ADCY2: variants seen among roughly 807,000 people sequenced by gnomAD.
ADCY2 encodes adenylate cyclase type 2.
A neutral mutation model predicts 125.2 loss-of-function variants in ADCY2; 31 were observed. The observed-to-expected ratio is 0.25, with a 90% CI of 0.19 to 0.33. ADCY2 has a LOEUF of 0.33. Ranked by LOEUF, ADCY2 falls within the 10% of genes least tolerant of loss-of-function variation. The pLI is 1.00. For missense variants in ADCY2, 904 were observed against 1,418.2 expected (o/e 0.64, Z 5.82); for synonymous variants, 512 against 548.4 (o/e 0.93, Z 0.93).
At chr5:7,573,910 C>T in intron 3 of ADCY2, among the ~76,000 whole-genome samples, 1 of 95,294 alleles carries the variant, frequency 1.0e-5, no homozygotes, top group East Asian at 3.3e-4. Flanking sequence ...TCCCTCCCCC[C>T]TCCCCCCACC....
chr5:7,740,852 A>G (rs984341474), intron 14 of ADCY2, among the ~76,000 whole-genome samples: 7 of 152,148 alleles, frequency 4.6e-5, no homozygotes, highest in African/African-American at 1.7e-4. Flanking sequence ...CACTTATTAG[A>G]AAATACAAAA....
chr5:7,763,237 C>A (rs539068561), intron 16 of ADCY2, among the ~76,000 whole-genome samples: 1 of 152,078 alleles, frequency 6.6e-6, no homozygotes, highest in Admixed American at 6.5e-5. Context: ...ACTACAGGCG[C>A]CCGCCACCAC....
intron 7 of ADCY2, among the ~76,000 whole-genome samples, chr5:7,703,722 C>T (rs1222295546): frequency 6.6e-6 from 1 of 151,994 alleles, no homozygotes; most frequent in Non-Finnish European, 1.5e-5. Flanking sequence ...TTTTTTGGTT[C>T]CATATGAACT....
chr5:7,595,175 T>C (rs923067714), intron 3 of ADCY2, among the ~76,000 whole-genome samples: 1 of 152,170 alleles, frequency 6.6e-6, no homozygotes, highest in African/African-American at 2.4e-5. Flanking sequence ...CACACCCCAG[T>C]GCAAGTTCTT....
At chr5:7,628,819 GT>G (rs141975589) in intron 4 of ADCY2, among the ~76,000 whole-genome samples, 1,811 of 148,086 alleles carry the variant, frequency 0.012, 11 homozygotes, top group Non-Finnish European at 0.014. Flanking sequence ...GATTATCTTG[GT>G]TTAAAAAAAA....
chr5:7,396,334 G>T lies in ADCY2; in HGVS notation c.38G>T (p.Arg13Leu). Reference protein sequence around the residue: ...QEAMRRRRYLRDRSEEAAGGG... With the variant: ...QEAMRRRRYLLDRSEEAAGGG... ...GCGATGCGGCGCCGCCGCTACCTGC[G>T]GGACCGCTCCGAGGAGGCGGCGGGC... Residue 13 changes from arginine (R) to leucine (L), a missense_variant, in exon 1 of 25, where the codon CGG becomes CTG. This residue lies in a region of ADCY2 where 113 missense variants were observed against 108.0 expected (regional missense o/e 1.05). Transcript: ENST00000338316. The surrounding 1 kb of genome is among the most constrained non-coding windows in gnomAD (Gnocchi z 5.7). 6.6e-7 allele frequency: 1 copy of T among 1,522,522 alleles called. No individual in the cohort carries two copies. The highest frequency in any genetic ancestry group is 2.8e-5 in the East Asian group (1 of 35,728). 94.3% of individuals were successfully genotyped at this position (1,522,522 alleles called of 1,614,324 possible). A position where few individuals can be genotyped will look rare whatever the true frequency, so the allele number is the denominator to read the frequency against.
intron 19 of ADCY2, among the ~76,000 whole-genome samples, chr5:7,788,331 A>G (rs1208789315): frequency 6.6e-6 from 1 of 151,930 alleles, no homozygotes; most frequent in African/African-American, 2.4e-5. Flanking sequence ...AGGCGCGCAC[A>G]ACCAGGCCCG....
intron 1 of ADCY2, among the ~76,000 whole-genome samples, chr5:7,398,819 C>A (rs1298550143): frequency 6.6e-6 from 1 of 152,198 alleles, no homozygotes; most frequent in Non-Finnish European, 1.5e-5. Flanking sequence ...TGAGTCGGGA[C>A]TGGGATGATG....
intron 3 of ADCY2, among the ~76,000 whole-genome samples, chr5:7,604,230 G>A (rs1737337179): frequency 7.4e-5 from 1 of 13,540 alleles, no homozygotes; most frequent in Non-Finnish European, 1.2e-4. Context: ...TGGACATTTG[G>A]GTTGGTTCCA....
At chr5:7,669,873 G>T (rs1038624947) in intron 4 of ADCY2, among the ~76,000 whole-genome samples, 2 of 152,162 alleles carry the variant, frequency 1.3e-5, no homozygotes, top group African/African-American at 4.8e-5. Flanking sequence ...CACGGGCAGG[G>T]TTATGTAGAG....
chr5:7,543,582 T>G (rs1735059994), intron 3 of ADCY2, among the ~76,000 whole-genome samples: 1 of 152,180 alleles, frequency 6.6e-6, no homozygotes. Context: ...GAAGGTTTTA[T>G]TAGGTTGGTG....
chr5:7,520,702 T>C, intron 2 of ADCY2, 36 bp from the exon 3 acceptor site: 1 of 1,609,718 alleles, frequency 6.2e-7, no homozygotes, highest in Non-Finnish European at 8.5e-7. Context: ...ACCAGAATAT[T>C]TGGTGACTCT....
At chr5:7,768,803 T>C (rs1386801036) in intron 17 of ADCY2, among the ~76,000 whole-genome samples, 1 of 152,196 alleles carries the variant, frequency 6.6e-6, no homozygotes, top group Non-Finnish European at 1.5e-5. Context: ...CTACTATCTT[T>C]CCAATCATGA....
rs114073061 is a variant in ADCY2 at position 7,733,267 on chromosome 5, G to A, written c.1871+6006G>A. Among the ~76,000 whole-genome samples, 1,291 of 152,256 alleles carry A rather than the reference G, an allele frequency of 8.5e-3. 8 individuals are homozygous for A. The highest frequency in any genetic ancestry group is 0.011 in the Non-Finnish European group (733 of 68,018). ...ATTATTATTTCTACTCAGATCTCTA[G>A]TATCAGTTTCATTACTTATTTCAAC... On this transcript the variant is annotated intron_variant, in intron 14 of 24. Coordinates refer to ENST00000338316, the MANE Select transcript of ADCY2 (RefSeq NM_020546.3).
chr5:7,784,115 C>T (rs1200686315), intron 18 of ADCY2, among the ~76,000 whole-genome samples: 2 of 152,124 alleles, frequency 1.3e-5, no homozygotes, highest in East Asian at 3.8e-4. Flanking sequence ...TGTATGTCTT[C>T]TTTTCATATT....
At chr5:7,557,107 C>T (rs952412799) in intron 3 of ADCY2, among the ~76,000 whole-genome samples, 1 of 139,618 alleles carries the variant, frequency 7.2e-6, no homozygotes, top group Non-Finnish European at 1.6e-5. Context: ...AAAGTTATCT[C>T]ACCTATAAAT....
intron 3 of ADCY2, among the ~76,000 whole-genome samples, chr5:7,569,169 A>G (rs1293666336): frequency 6.6e-6 from 1 of 152,152 alleles, no homozygotes; most frequent in Non-Finnish European, 1.5e-5. Context: ...GCAAGGCACT[A>G]CGGACACCAA....
intron 2 of ADCY2, among the ~76,000 whole-genome samples, chr5:7,440,744 A>G (rs1176913749): frequency 1.3e-5 from 2 of 152,210 alleles, no homozygotes; most frequent in African/African-American, 4.8e-5. Flanking sequence ...TGATTTTCAA[A>G]ATGTCAAAAA....
At chr5:7,712,727 G>T in intron 10 of ADCY2, 129 bp from the exon 11 acceptor site, 1 of 675,620 alleles carries the variant, frequency 1.5e-6, no homozygotes. Flanking sequence ...CTCCACATGA[G>T]TAATTAATTA....
Sources: gnomAD v4.1 joint callset for allele counts (sites outside exome capture counted in the v4.1 genomes callset) on GRCh38, gnomAD v4.1.1 for gene constraint, gnomAD v4.1.1 regional missense constraint, Gnocchi (gnomAD v3.1) non-coding constraint, MANE v1.5 for transcripts, NCBI Gene and HGNC (gene_info 2026-07-23, HGNC 2026-07-21) for gene names.